The following APOC1 variants were observed in gnomAD, a reference collection of about 807,000 sequenced individuals.
APOC1 encodes apolipoprotein C1.
APOC1 carries 4 observed loss-of-function variants against 6.7 expected under a neutral mutation model. The ratio of observed to expected loss-of-function variants is 0.60; its 90% CI spans 0.29 to 1.37. APOC1 has a LOEUF of 1.37. APOC1 is among the 40% of genes most tolerant of loss of function. The probability of loss-of-function intolerance (pLI) is 0.09; values close to 1 mark genes in which losing one functional copy is unlikely to be tolerated. For missense variants in APOC1, 122 were observed against 99.4 expected (o/e 1.23, Z -0.97); for synonymous variants, 33 against 40.6 (o/e 0.81, Z 0.72).
chr19:44,916,746 G>A (rs543755882), intron 3 of APOC1, among the ~76,000 whole-genome samples: 24 of 142,712 alleles, frequency 1.7e-4, no homozygotes, highest in African/African-American at 6.1e-4. Context: ...CTTGAACCAG[G>A]AAGGTGGGAG....
intron 2 of APOC1, among the ~76,000 whole-genome samples, chr19:44,915,453 G>A (rs1969987625): frequency 6.6e-6 from 1 of 151,290 alleles, no homozygotes; most frequent in African/African-American, 2.4e-5. Context: ...CAGGACTACA[G>A]GCGCCCGCCA....
intron 3 of APOC1, among the ~76,000 whole-genome samples, chr19:44,916,951 G>A (rs1208806948): frequency 1.3e-5 from 2 of 149,334 alleles, no homozygotes; most frequent in African/African-American, 2.5e-5. Flanking sequence ...CCAACATGGC[G>A]AGATCCTGTC....
At chr19:44,916,105 C>A (rs912338349) in intron 2 of APOC1, 85 bp from the exon 3 acceptor site, 13 of 1,401,922 alleles carry the variant, frequency 9.3e-6, no homozygotes, top group Non-Finnish European at 1.2e-5. Flanking sequence ...CCACTGCACT[C>A]CAGCTTGGGC....
At position 44,919,183 on chromosome 19, in the gene APOC1, T is replaced by A; in HGVS notation, c.205T>A (p.Ser69Thr). ...ELSAKMREWF[S>T]ETFQKVKEKL... ...TATTCCTCCCCACAGGGAGTGGTTTTCAGAGACATTTCAGAAAGTGAAGGA... is the reference window on the plus strand; with the variant it reads ...TATTCCTCCCCACAGGGAGTGGTTTACAGAGACATTTCAGAAAGTGAAGGA... Residue 69 changes from serine to threonine, a missense_variant, in exon 4 of 4, where the codon TCA becomes ACA. Coordinates refer to ENST00000592535, the MANE Select transcript of APOC1 (RefSeq NM_001645.5). 2 of 1,613,870 alleles carry A rather than the reference T, an allele frequency of 1.2e-6. No individual in the cohort carries two copies. Among genetic ancestry groups the A allele is most frequent in the Non-Finnish European group, 1.7e-6 (2 of 1,179,824 alleles).
intron 3 of APOC1, among the ~76,000 whole-genome samples, chr19:44,916,766 G>C (rs916473668): frequency 3.0e-5 from 4 of 134,594 alleles, no homozygotes; most frequent in Admixed American, 2.5e-4. Context: ...GTTACAGTGA[G>C]CCAACATTGT....
intron 2 of APOC1, among the ~76,000 whole-genome samples, chr19:44,915,629 A>G (rs536562430): frequency 2.0e-5 from 3 of 150,132 alleles, no homozygotes; most frequent in Admixed American, 6.6e-5. Flanking sequence ...ATGATCCCCA[A>G]GGATCTCTAT....
At chr19:44,915,283 C>CCCA in intron 2 of APOC1, 1 of 321,408 alleles carries the variant, frequency 3.1e-6, no homozygotes, top group Non-Finnish European at 5.8e-6. Context: ...CAGCTTGAGC[C>CCCA]CCACCAGGTC....
chr19:44,915,647 G>A (rs1969991094), intron 2 of APOC1, among the ~76,000 whole-genome samples: 1 of 150,298 alleles, frequency 6.7e-6, no homozygotes, highest in African/African-American at 2.4e-5. Flanking sequence ...TATCCATCCC[G>A]GTATCCCAAC....
At chr19:44,918,679 A>G (rs1205763282) in intron 3 of APOC1, among the ~76,000 whole-genome samples, 4 of 146,044 alleles carry the variant, frequency 2.7e-5, no homozygotes, top group Non-Finnish European at 6.0e-5. Flanking sequence ...GCCCGGCCTT[A>G]TTTTTTCTTT....
At chr19:44,916,137 CAAAAAA>C (rs376127005) in intron 2 of APOC1, 47 bp from the exon 3 acceptor site, 48 of 900,394 alleles carry the variant, frequency 5.3e-5, no homozygotes, top group African/African-American at 3.0e-4. Flanking sequence ...ACTCCATCTC[CAAAAAA>C]AAAAAAAAAA....
At chr19:44,918,982 C>T (rs1390948055) in intron 3 of APOC1, 191 bp from the exon 4 acceptor site, 49 of 658,564 alleles carry the variant, frequency 7.4e-5, no homozygotes, top group South Asian at 3.9e-4. Context: ...TAGACTTCAA[C>T]GTGCTTTGGT....
intron 3 of APOC1, among the ~76,000 whole-genome samples, chr19:44,917,980 GA>G (rs777242423): frequency 4.7e-5 from 7 of 148,478 alleles, no homozygotes; most frequent in African/African-American, 1.7e-4. Context: ...TGCCAAAAAA[GA>G]AAAAAAACTC....
At chr19:44,915,088 G>A (rs1446502221) in intron 2 of APOC1, 139 bp downstream of exon 2, 2 of 861,078 alleles carry the variant, frequency 2.3e-6, no homozygotes, top group Non-Finnish European at 3.7e-6. Flanking sequence ...GTGGTCGGGT[G>A]GGTCTCCAGG....
chr19:44,916,692 C>T (rs1381572562), intron 3 of APOC1, among the ~76,000 whole-genome samples: 1 of 150,534 alleles, frequency 6.6e-6, no homozygotes, highest in African/African-American at 2.4e-5. Context: ...TGGTGGCGTG[C>T]ACCTGTAATC....
At chr19:44,917,444 G>A (rs1010612975) in intron 3 of APOC1, among the ~76,000 whole-genome samples, 2 of 152,048 alleles carry the variant, frequency 1.3e-5, no homozygotes, top group African/African-American at 2.4e-5. Flanking sequence ...TGGGCATGGT[G>A]GCCCATGCCT....
chr19:44,916,968 TAAA>T (rs753649749), intron 3 of APOC1, among the ~76,000 whole-genome samples: 8 of 134,726 alleles, frequency 5.9e-5, no homozygotes, highest in Admixed American at 1.5e-4. Flanking sequence ...TGTCTCCATT[TAAA>T]AAAAAAAAAA....
At chr19:44,916,044 G>A in intron 2 of APOC1, 146 bp from the exon 3 acceptor site, 2 of 885,014 alleles carry the variant, frequency 2.3e-6, no homozygotes, top group Non-Finnish European at 3.3e-6. Context: ...GGCTGAGGCA[G>A]GAGAACTGCT....
At chr19:44,915,964 G>A (rs905564341) in intron 2 of APOC1, among the ~76,000 whole-genome samples, 9 of 148,434 alleles carry the variant, frequency 6.1e-5, no homozygotes, top group Admixed American at 2.7e-4. Flanking sequence ...GCAAGACTCC[G>A]TCTCAAAACA....
At chr19:44,917,914 C>T (rs1033176140) in intron 3 of APOC1, among the ~76,000 whole-genome samples, 1 of 151,748 alleles carries the variant, frequency 6.6e-6, no homozygotes, top group Non-Finnish European at 1.5e-5. Flanking sequence ...GCGGAGGTTG[C>T]AGTGAGCCGA....
Sources: gnomAD v4.1 joint callset for allele counts (sites outside exome capture counted in the v4.1 genomes callset) on GRCh38, gnomAD v4.1.1 for gene constraint, MANE v1.5 for transcripts, NCBI Gene and HGNC (gene_info 2026-07-23, HGNC 2026-07-21) for gene names.